NEO1: variants seen among roughly 807,000 people sequenced by gnomAD.
NEO1 encodes neogenin 1, also known as neogenin.
In NEO1, 63 loss-of-function variants were observed where a neutral mutation model predicts 159.7. That is an observed-to-expected ratio of 0.39 (90% confidence interval 0.32 to 0.49). NEO1 has a LOEUF of 0.49. Among genes scored for constraint, NEO1 ranks in the 20% least tolerant of loss-of-function variants. The pLI, the probability that NEO1 is intolerant of heterozygous loss-of-function variation, is 0.85. For missense variants in NEO1, 1,615 were observed against 1,831.0 expected (o/e 0.88, Z 2.15); for synonymous variants, 633 against 662.0 (o/e 0.96, Z 0.67).
intron 23 of NEO1, among the ~76,000 whole-genome samples, chr15:73,287,912 T>A (rs1358814880): frequency 6.6e-6 from 1 of 151,932 alleles, no homozygotes; most frequent in Non-Finnish European, 1.5e-5. Context: ...TTTGCCTCCC[T>A]CCTTTATAAG....
At chr15:73,057,678 T>C (rs1181960102) in intron 1 of NEO1, among the ~76,000 whole-genome samples, 1 of 152,176 alleles carries the variant, frequency 6.6e-6, no homozygotes. Context: ...ATTTTGTAAA[T>C]AGTGACAAAA....
At chr15:73,161,029 C>T (rs1436182124) in intron 5 of NEO1, among the ~76,000 whole-genome samples, 5 of 152,102 alleles carry the variant, frequency 3.3e-5, no homozygotes, top group South Asian at 2.1e-4. Context: ...AAAAGTTGCT[C>T]CTATCACCCA....
At chr15:73,142,266 C>CAG (rs755606680) in intron 5 of NEO1, among the ~76,000 whole-genome samples, 1 of 152,110 alleles carries the variant, frequency 6.6e-6, no homozygotes, top group Non-Finnish European at 1.5e-5. Flanking sequence ...TTGAGATCAG[C>CAG]AGAGAGAGTC....
intron 26 of NEO1, among the ~76,000 whole-genome samples, chr15:73,294,221 A>G (rs2042269680): frequency 6.6e-6 from 1 of 152,274 alleles, no homozygotes; most frequent in Admixed American, 6.5e-5. Context: ...ATTATCAAAC[A>G]GTTTTAAGGA....
intron 5 of NEO1, among the ~76,000 whole-genome samples, chr15:73,159,593 G>T (rs775017196): frequency 1.3e-5 from 2 of 152,044 alleles, no homozygotes; most frequent in Non-Finnish European, 2.9e-5. Flanking sequence ...CTTCTCTTAA[G>T]TACAAAAATG....
At chr15:73,147,273 A>T (rs547739252) in intron 5 of NEO1, among the ~76,000 whole-genome samples, 1 of 152,268 alleles carries the variant, frequency 6.6e-6, no homozygotes, top group South Asian at 2.1e-4. Flanking sequence ...TTCCTTTGTA[A>T]GACTCCTTCA....
chr15:73,301,629 G>A (rs1440730281), intron 28 of NEO1, 172 bp downstream of exon 28: 4 of 864,858 alleles, frequency 4.6e-6, no homozygotes, highest in African/African-American at 1.7e-5. Flanking sequence ...TCTGAGCCGG[G>A]AACTGTGCTG....
chr15:73,233,745 G>A lies in NEO1; in HGVS notation c.1292-2602G>A, dbSNP rs761392281. On this transcript the variant is annotated intron_variant, in intron 7 of 28. Coordinates refer to ENST00000261908, the MANE Select transcript of NEO1 (RefSeq NM_002499.4). ...TATCACTCATTACTCCCATCACCTC[G>A]TCCTCCCTGCTTGCATTCCCTCCCC... 4.6e-5 allele frequency among the ~76,000 whole-genome samples: 7 copies of A among 151,918 alleles called. 1 individual carries two copies. The highest frequency in any genetic ancestry group is 1.2e-4 in the African/African-American group (5 of 41,362).
intron 7 of NEO1, among the ~76,000 whole-genome samples, chr15:73,187,076 G>C (rs1186996059): frequency 6.6e-6 from 1 of 152,152 alleles, no homozygotes; most frequent in Non-Finnish European, 1.5e-5. Context: ...ACTATTGTAA[G>C]ATTATTACTG....
rs1474317573 is a variant in NEO1 at position 73,302,035 on chromosome 15, C to G, written c.4302+578C>G. ...TAGCCCAGCTAATGGCCCCTTCCCC[C>G]ACATCCTGCCTGCCTTTTAGTTCTG... On this transcript the variant is annotated intron_variant, in intron 28 of 28. Coordinates refer to ENST00000261908, the MANE Select transcript of NEO1 (RefSeq NM_002499.4). 2.6e-5 allele frequency among the ~76,000 whole-genome samples: 4 copies of G among 152,316 alleles called. No homozygotes were observed. The South Asian group carries it at 8.3e-4, about 32-fold the overall frequency.
chr15:73,117,073 A>G (rs1037976783), intron 2 of NEO1, among the ~76,000 whole-genome samples: 3 of 152,116 alleles, frequency 2.0e-5, no homozygotes, highest in Admixed American at 2.0e-4. Flanking sequence ...CACTTGTCTG[A>G]TGGCTTAATA....
rs28831153 is a variant in NEO1, at chr15:73,229,144, A to G, written c.1292-7203A>G. Among the ~76,000 whole-genome samples the G allele has an allele frequency of 5.5e-3, 842 of 152,196 alleles. 9 individuals are homozygous for G. The highest frequency in any genetic ancestry group is 0.019 in the African/African-American group (790 of 41,534). On this transcript the variant is annotated intron_variant, in intron 7 of 28. Transcript: ENST00000261908. The stretch of plus-strand genomic sequence containing the variant: ...CTTATTAACAACTTTGAGTTGTTCA[A>G]TTCATGAACATGGACTATCTATTTA...
intron 7 of NEO1, among the ~76,000 whole-genome samples, chr15:73,233,754 G>C (rs2039034520): frequency 6.6e-6 from 1 of 152,008 alleles, no homozygotes; most frequent in Admixed American, 6.6e-5. Context: ...CGTCCTCCCT[G>C]CTTGCATTCC....
chr15:73,229,036 CT>C (rs1375211699), intron 7 of NEO1, among the ~76,000 whole-genome samples: 1 of 151,750 alleles, frequency 6.6e-6, no homozygotes, highest in Admixed American at 6.6e-5. Context: ...TTTTTTTGTT[CT>C]TTTTGATAAT....
Position 73,214,866 on chromosome 15 carries a change from TG to T in NEO1, c.1292-21479del, listed in dbSNP as rs542759535. The stretch of plus-strand genomic sequence containing the variant: ...TTGCATTGAATTTGTAGATTGCTTT[TG>T]GCACTATGATCATTTTCACAATATT... On this transcript the variant is annotated intron_variant, in intron 7 of 28. Coordinates refer to ENST00000261908, the MANE Select transcript of NEO1 (RefSeq NM_002499.4). Among the ~76,000 whole-genome samples, 395 of 152,264 alleles carry T rather than the reference TG, an allele frequency of 2.6e-3. 3 individuals are homozygous for T. The highest frequency in any genetic ancestry group is 0.014 in the East Asian group (74 of 5,176).
intron 1 of NEO1, among the ~76,000 whole-genome samples, chr15:73,084,172 AT>A (rs550962372): frequency 2.0e-5 from 3 of 152,062 alleles, no homozygotes; most frequent in South Asian, 2.1e-4. Context: ...TAAAAAAAAA[AT>A]CTCCCAGCGA....
chr15:73,217,879 C>A (rs2150734396), intron 7 of NEO1, among the ~76,000 whole-genome samples: 1 of 152,260 alleles, frequency 6.6e-6, no homozygotes, highest in South Asian at 2.1e-4. Context: ...CAAACAGGGA[C>A]AAATTGACTT....
At chr15:73,243,923 CA>C in intron 8 of NEO1, among the ~76,000 whole-genome samples, 2 of 152,078 alleles carry the variant, frequency 1.3e-5, no homozygotes, top group African/African-American at 4.8e-5. Context: ...GTCTCTTAGC[CA>C]AAATATACAC....
intron 1 of NEO1, among the ~76,000 whole-genome samples, chr15:73,075,797 T>C (rs796088026): frequency 2.5e-4 from 38 of 152,292 alleles, no homozygotes; most frequent in African/African-American, 8.7e-4. Context: ...CTTGTCAGAA[T>C]TTGTGAATCA....
Sources: allele counts gnomAD v4.1 joint callset (sites outside exome capture counted in the v4.1 genomes callset), GRCh38; gene constraint gnomAD v4.1.1; transcripts MANE v1.5; gene names NCBI Gene and HGNC (gene_info 2026-07-23, HGNC 2026-07-21).